The following AOPEP variants were observed in gnomAD, a reference collection of about 807,000 sequenced individuals.
The protein encoded by AOPEP is aminopeptidase O.
In AOPEP, 77 loss-of-function variants were observed where a neutral mutation model predicts 98.1. That is an observed-to-expected ratio of 0.78 (90% CI 0.65 to 0.95). AOPEP has a LOEUF of 0.95. Ranked by LOEUF, AOPEP falls within the 40% of genes least tolerant of loss-of-function variation. AOPEP has a pLI of 0.00. For missense variants in AOPEP, 1,024 were observed against 1,024.7 expected (o/e 1.00, Z 0.01); for synonymous variants, 346 against 365.3 (o/e 0.95, Z 0.60).
At chr9:95,132,938 T>C in the AOPEP span, among the ~76,000 whole-genome samples, 2 of 152,202 alleles carry the variant, frequency 1.3e-5, no homozygotes, top group African/African-American at 2.4e-5. Context: ...GTGCTCTATA[T>C]AAAACACAAG....
In AOPEP at chr9:94,769,310, A is replaced by G. The variant is rs539221611; in HGVS notation, c.798-3692A>G. Among the ~76,000 whole-genome samples the G allele has an allele frequency of 2.6e-5, 4 of 152,294 alleles. No homozygotes were observed. In the South Asian group the frequency reaches 8.3e-4, roughly 32 times the overall value. On this transcript the variant is annotated intron_variant, in intron 2 of 16. Coordinates refer to ENST00000375315, the MANE Select transcript of AOPEP (RefSeq NM_001193329.3). ...CACTGTGATGTCAGACATGCATAGG[A>G]TATCAGCTTGTGAAACAGCAAAAAG...
intron 7 of AOPEP, among the ~76,000 whole-genome samples, chr9:94,947,871 T>C (rs75955622): frequency 0.029 from 4,415 of 152,240 alleles, 244 homozygotes; most frequent in African/African-American, 0.1. Context: ...GCCCAGCTCC[T>C]AACTGCTCCT....
At chr9:94,775,764 G>A (rs1371372994) in intron 3 of AOPEP, among the ~76,000 whole-genome samples, 1 of 152,032 alleles carries the variant, frequency 6.6e-6, no homozygotes, top group Admixed American at 6.5e-5. Flanking sequence ...CATGATATCA[G>A]GAGATCGAGA....
the AOPEP span, among the ~76,000 whole-genome samples, chr9:95,148,438 A>AG: frequency 1.2e-4 from 18 of 152,288 alleles, no homozygotes; most frequent in South Asian, 3.5e-3. Context: ...CTCAATAATT[A>AG]GCAAAGTGAC....
chr9:94,919,820 C>T (rs1368380744), intron 5 of AOPEP, among the ~76,000 whole-genome samples: 1 of 152,146 alleles, frequency 6.6e-6, no homozygotes, highest in Non-Finnish European at 1.5e-5. Flanking sequence ...ACTATCTATC[C>T]TGCTGGACTT....
intron 13 of AOPEP, among the ~76,000 whole-genome samples, chr9:95,028,731 TTGCTTC>T (rs1434368693): frequency 5.3e-5 from 8 of 152,230 alleles, no homozygotes; most frequent in Admixed American, 2.0e-4. Flanking sequence ...AGGCAGCCCA[TTGCTTC>T]ACTGTTGTAT....
intron 9 of AOPEP, among the ~76,000 whole-genome samples, chr9:94,957,645 A>G (rs2058556835): frequency 6.6e-6 from 1 of 152,212 alleles, no homozygotes; most frequent in Non-Finnish European, 1.5e-5. Flanking sequence ...TTCAACCGTC[A>G]TCATTATCTA....
intron 3 of AOPEP, among the ~76,000 whole-genome samples, chr9:94,775,944 A>T (rs1444903715): frequency 6.6e-6 from 1 of 152,016 alleles, no homozygotes; most frequent in Non-Finnish European, 1.5e-5. Flanking sequence ...ACGCCACTGC[A>T]CTCCAGCCTG....
chr9:95,089,379 G>A (rs1210671799), downstream of AOPEP, among the ~76,000 whole-genome samples: 1 of 152,252 alleles, frequency 6.6e-6, no homozygotes, highest in Non-Finnish European at 1.5e-5. Flanking sequence ...AGGGCTGTCT[G>A]CACGGGACAT....
At chr9:95,008,292 A>C (rs1044893039) in intron 13 of AOPEP, among the ~76,000 whole-genome samples, 1 of 152,116 alleles carries the variant, frequency 6.6e-6, no homozygotes, top group Non-Finnish European at 1.5e-5. Flanking sequence ...CATCTGTACT[A>C]ACTCTGCTGG....
At chr9:95,088,647 GCT>G (rs1229635061), downstream of AOPEP, among the ~76,000 whole-genome samples, 6 of 152,230 alleles carry the variant, frequency 3.9e-5, no homozygotes, top group African/African-American at 1.4e-4. Flanking sequence ...GGCACCTGGA[GCT>G]CTCAAGAGCT....
intron 1 of AOPEP, among the ~76,000 whole-genome samples, chr9:94,727,971 G>A (rs1829593242): frequency 6.6e-6 from 1 of 152,084 alleles, no homozygotes; most frequent in South Asian, 2.1e-4. Flanking sequence ...AAATTGACTT[G>A]CTAAAAATTC....
intron 13 of AOPEP, among the ~76,000 whole-genome samples, chr9:95,030,176 A>C (rs2064175817): frequency 6.6e-6 from 1 of 152,236 alleles, no homozygotes; most frequent in Non-Finnish European, 1.5e-5. Flanking sequence ...TATAAAGAAG[A>C]AATTTCAAAA....
chr9:95,012,140 G>T (rs2062578396), intron 13 of AOPEP, among the ~76,000 whole-genome samples: 1 of 152,190 alleles, frequency 6.6e-6, no homozygotes, highest in Non-Finnish European at 1.5e-5. Flanking sequence ...AAGGGGTGAG[G>T]TGTAAAGAAG....
At chr9:95,067,914 A>G (rs1165681381) in intron 14 of AOPEP, among the ~76,000 whole-genome samples, 1 of 152,178 alleles carries the variant, frequency 6.6e-6, no homozygotes, top group Non-Finnish European at 1.5e-5. Context: ...GGGCCTTCAC[A>G]TAAATGGAAT....
At chr9:95,102,866 C>T in the AOPEP span, among the ~76,000 whole-genome samples, 1 of 152,246 alleles carries the variant, frequency 6.6e-6, no homozygotes, top group South Asian at 2.1e-4. Context: ...CGTTCGCTCT[C>T]CTCGGCCCCC....
intron 7 of AOPEP, chr9:94,935,113 C>A (rs1294523773): frequency 6.6e-6 from 1 of 152,158 alleles, no homozygotes; most frequent in Non-Finnish European, 1.5e-5. Flanking sequence ...TAACACCATC[C>A]CCCCTTGGTG....
intron 11 of AOPEP, among the ~76,000 whole-genome samples, chr9:95,003,406 T>G (rs1316470031): frequency 6.6e-6 from 1 of 152,220 alleles, no homozygotes; most frequent in South Asian, 2.1e-4. Flanking sequence ...ACATCAATAT[T>G]GAATGGCTCA....
intron 11 of AOPEP, among the ~76,000 whole-genome samples, chr9:94,985,394 A>G (rs768491619): frequency 2.0e-5 from 3 of 152,256 alleles, no homozygotes; most frequent in Non-Finnish European, 2.9e-5. Flanking sequence ...AGAATACTTG[A>G]TAAGACAGTA....
Sources: gnomAD v4.1 joint callset for allele counts (sites outside exome capture counted in the v4.1 genomes callset) on GRCh38, gnomAD v4.1.1 for gene constraint, MANE v1.5 for transcripts, NCBI Gene and HGNC (gene_info 2026-07-23, HGNC 2026-07-21) for gene names.